Variants in TCP11L2 observed in about 807,000 individuals in gnomAD.
The protein encoded by TCP11L2 is T-complex protein 11-like protein 2.
Under a neutral mutation model 50.7 loss-of-function variants are expected in TCP11L2, and 39 were observed. The ratio of observed to expected loss-of-function variants is 0.77; its 90% confidence interval spans 0.60 to 1.01. The LOEUF is 1.01. Among genes scored for constraint, TCP11L2 ranks in the 50% least tolerant of loss-of-function variants. The probability of loss-of-function intolerance (pLI) is 0.00; values close to 1 mark genes in which losing one functional copy is unlikely to be tolerated. For synonymous variants in TCP11L2, 192 were observed against 219.3 expected (o/e 0.88, Z 1.10); for missense variants, 612 against 614.7 (o/e 1.00, Z 0.05).
At chr12:106,319,133 G>A (rs372228822) in intron 4 of TCP11L2, among the ~76,000 whole-genome samples, 7 of 152,004 alleles carry the variant, frequency 4.6e-5, no homozygotes, top group South Asian at 2.1e-4. Context: ...GGATGGTCTC[G>A]ATCTCCTGAC....
At position 106,311,398 on chromosome 12, in the gene TCP11L2, A is replaced by AT. The variant is rs1313358670; in HGVS notation, c.157+166_157+167insT. Among the ~76,000 whole-genome samples, 5 of 152,314 alleles carry AT rather than the reference A, an allele frequency of 3.3e-5. No individual in the cohort carries two copies. The South Asian group carries it at 6.2e-4, about 19-fold the overall frequency. On this transcript the variant is annotated intron_variant, in intron 2 of 9. Coordinates refer to ENST00000299045, the MANE Select transcript of TCP11L2 (RefSeq NM_152772.3). ...CAGCTTTCCGGGACACATTCTCAGA[A>AT]ATAGCCACTAAAGTTTACAACCTGC...
chr12:106,314,584 AG>A, intron 3 of TCP11L2, 91 bp downstream of exon 3: 3 of 420,492 alleles, frequency 7.1e-6, no homozygotes, highest in Non-Finnish European at 1.1e-5. Flanking sequence ...TGTGAGAGAG[AG>A]AGAGAGAGAG....
At chr12:106,307,662 T>C (rs1051897974) in intron 1 of TCP11L2, among the ~76,000 whole-genome samples, 1 of 152,076 alleles carries the variant, frequency 6.6e-6, no homozygotes, top group African/African-American at 2.4e-5. Context: ...ATTCACACAG[T>C]GATGGGCCAT....
intron 6 of TCP11L2, 55 bp downstream of exon 6, chr12:106,323,701 A>G (rs1379844042): frequency 1.1e-6 from 1 of 905,402 alleles, no homozygotes; most frequent in Non-Finnish European, 1.5e-6. Context: ...TGATGATTTT[A>G]AATGTTAAAA....
intron 9 of TCP11L2, among the ~76,000 whole-genome samples, chr12:106,342,722 C>G (rs958171342): frequency 6.6e-6 from 1 of 152,084 alleles, no homozygotes; most frequent in Non-Finnish European, 1.5e-5. Context: ...ACTCAAAGTC[C>G]CATAACAAGC....
At chr12:106,333,472 G>A (rs1222541020) in intron 6 of TCP11L2, among the ~76,000 whole-genome samples, 1 of 152,170 alleles carries the variant, frequency 6.6e-6, no homozygotes, top group Non-Finnish European at 1.5e-5. Context: ...GTAGTTGAGT[G>A]AGGTGCACAT....
Position 106,335,764 on chromosome 12 carries a change from G to A in TCP11L2, c.898G>A (p.Val300Met), listed in dbSNP as rs759164072. ...CAAGCCAAGCCTGAGCCCTACTTTG[G>A]TGCTAAATAATAGTTACTTGAAACT... ...TSKPSLSPTL[V>M]LNNSYLKLLQ... The change falls in exon 7 of 10, where the codon GTG becomes ATG. Residue 300 changes from valine to methionine, a missense_variant. Val to Met is a conservative substitution (Grantham distance 21). Coordinates refer to ENST00000299045, the MANE Select transcript of TCP11L2 (RefSeq NM_152772.3). 8.7e-6 allele frequency: 14 copies of A among 1,614,146 alleles called. No individual in the cohort carries two copies. Among genetic ancestry groups the A allele is most frequent in the Non-Finnish European group, 1.2e-5 (14 of 1,180,024 alleles).
intron 2 of TCP11L2, among the ~76,000 whole-genome samples, chr12:106,313,532 A>G (rs1385547327): frequency 2.0e-5 from 3 of 151,786 alleles, no homozygotes; most frequent in Non-Finnish European, 4.4e-5. Flanking sequence ...GTGAGCTGAG[A>G]TTGCACCACT....
At chr12:106,315,102 G>T (rs1413807806) in intron 3 of TCP11L2, among the ~76,000 whole-genome samples, 2 of 152,036 alleles carry the variant, frequency 1.3e-5, no homozygotes, top group Non-Finnish European at 2.9e-5. Flanking sequence ...GGCCATGGTG[G>T]TGGGGCGCGT....
chr12:106,331,461 G>T (rs952756143), intron 6 of TCP11L2, among the ~76,000 whole-genome samples: 31 of 152,210 alleles, frequency 2.0e-4, no homozygotes, highest in African/African-American at 5.8e-4. Context: ...GGCAGCTGTT[G>T]TGTATCAGGC....
At chr12:106,330,012 C>T (rs2035692181) in intron 6 of TCP11L2, 1 of 985,356 alleles carries the variant, frequency 1.0e-6, no homozygotes, top group Non-Finnish European at 1.2e-6. Flanking sequence ...CTCTACTCTG[C>T]ACCTGTGTTC....
At chr12:106,325,270 G>C (rs945103685) in intron 6 of TCP11L2, 20 of 152,192 alleles carry the variant, frequency 1.3e-4, no homozygotes, top group Admixed American at 1.2e-3. Context: ...ATATTACACT[G>C]GGTGAGACTA....
chr12:106,341,329 T>C (rs778405868), intron 9 of TCP11L2, among the ~76,000 whole-genome samples: 26 of 152,216 alleles, frequency 1.7e-4, no homozygotes, highest in South Asian at 4.1e-4. Context: ...ATAGTAGATA[T>C]GAGTTCTGCT....
intron 9 of TCP11L2, among the ~76,000 whole-genome samples, chr12:106,342,043 G>A (rs2036106776): frequency 6.6e-6 from 1 of 152,176 alleles, no homozygotes; most frequent in South Asian, 2.1e-4. Flanking sequence ...ATAAGGAAGG[G>A]GAGAAGCTGC....
intron 6 of TCP11L2, among the ~76,000 whole-genome samples, chr12:106,328,133 CTA>C (rs2035621235): frequency 6.6e-6 from 1 of 152,192 alleles, no homozygotes; most frequent in African/African-American, 2.4e-5. Flanking sequence ...ATTTGAAACT[CTA>C]TTGTGATTGC....
chr12:106,315,713 C>T (rs919320907), intron 3 of TCP11L2, among the ~76,000 whole-genome samples: 1 of 151,126 alleles, frequency 6.6e-6, no homozygotes, highest in Admixed American at 6.6e-5. Flanking sequence ...TTAACCTCGC[C>T]CTCCGACCTC....
At chr12:106,336,795 C>T (rs1203050398) in intron 8 of TCP11L2, among the ~76,000 whole-genome samples, 1 of 152,112 alleles carries the variant, frequency 6.6e-6, no homozygotes, top group Non-Finnish European at 1.5e-5. Context: ...TCATGACTCA[C>T]CCATCTCGGC....
At chr12:106,339,531 C>G (rs1477804325) in intron 8 of TCP11L2, among the ~76,000 whole-genome samples, 1 of 152,148 alleles carries the variant, frequency 6.6e-6, no homozygotes, top group African/African-American at 2.4e-5. Context: ...TTGGGTAATT[C>G]ATCACGAAAT....
chr12:106,335,540 C>T, intron 6 of TCP11L2, 99 bp from the exon 7 acceptor site: 1 of 1,265,292 alleles, frequency 7.9e-7, no homozygotes, highest in South Asian at 1.5e-5. Flanking sequence ...TGTGTCTTCT[C>T]ATTCATGCCC....
Sources: allele counts gnomAD v4.1 joint callset (sites outside exome capture counted in the v4.1 genomes callset), GRCh38; gene constraint gnomAD v4.1.1; transcripts MANE v1.5; gene names NCBI Gene and HGNC (gene_info 2026-07-23, HGNC 2026-07-21).